Variants in U2SURP observed in about 807,000 individuals in gnomAD.
U2SURP encodes U2 snRNP associated SURP domain containing.
A neutral mutation model predicts 144.9 loss-of-function variants in U2SURP; 9 were observed. That is an observed-to-expected ratio of 0.06 (90% CI 0.04 to 0.11). The LOEUF (loss-of-function observed/expected upper bound fraction) is 0.11. Ranked by LOEUF, U2SURP falls within the 10% of genes least tolerant of loss-of-function variation. The pLI is 1.00. For synonymous variants in U2SURP, 408 were observed against 396.8 expected (o/e 1.03, Z -0.33); for missense variants, 724 against 1,226.7 (o/e 0.59, Z 6.12).
At chr3:143,054,815 T>G (rs1935060868) in intron 26 of U2SURP, 128 bp from the exon 27 acceptor site, 1 of 991,104 alleles carries the variant, frequency 1.0e-6, no homozygotes, top group South Asian at 2.3e-5. Flanking sequence ...TGAGTATTGT[T>G]AAAAGTAACA....
In U2SURP at chr3:143,028,661, C is replaced by T; in HGVS notation, c.1610+15C>T. On this transcript the variant is annotated intron_variant, in intron 16 of 27. Transcript: ENST00000473835. ...CTTAAGGAAGAGTAAGATATTTTTC[C>T]TTTCTATTATATATTCAGAAAAGTA... 2 of 1,579,566 alleles carry T rather than the reference C, an allele frequency of 1.3e-6. No individual in the cohort carries two copies. Among genetic ancestry groups the T allele is most frequent in the East Asian group, 4.5e-5 (2 of 44,316 alleles).
intron 24 of U2SURP, among the ~76,000 whole-genome samples, chr3:143,043,767 A>G (rs868854990): frequency 2.7e-5 from 4 of 150,776 alleles, no homozygotes; most frequent in Admixed American, 6.6e-5. Context: ...TACTGTGAGA[A>G]ATCCATTTTT....
At chr3:143,036,432 A>G (rs1578149141) in intron 20 of U2SURP, among the ~76,000 whole-genome samples, 1 of 152,240 alleles carries the variant, frequency 6.6e-6, no homozygotes, top group East Asian at 1.9e-4. Context: ...AGATAGCTAT[A>G]TAAGTAAAAT....
At chr3:143,007,534 C>T (rs1478041933) in intron 1 of U2SURP, among the ~76,000 whole-genome samples, 18 of 151,552 alleles carry the variant, frequency 1.2e-4, no homozygotes, top group East Asian at 3.9e-4. Context: ...CTCCGCCTCC[C>T]GGGTTCACGT....
At chr3:143,053,841 G>T in intron 26 of U2SURP, 47 bp downstream of exon 26, 4 of 1,435,170 alleles carry the variant, frequency 2.8e-6, no homozygotes, top group Non-Finnish European at 3.7e-6. Flanking sequence ...TTCAAGATTT[G>T]CAGTGGTGTT....
At chr3:143,023,383 G>A in intron 12 of U2SURP, 1 of 214,100 alleles carries the variant, frequency 4.7e-6, no homozygotes, top group Non-Finnish European at 9.2e-6. Context: ...TTTGTATTTG[G>A]TTAAGTGACA....
At chr3:143,023,614 G>C (rs571985049) in intron 12 of U2SURP, among the ~76,000 whole-genome samples, 1 of 152,152 alleles carries the variant, frequency 6.6e-6, no homozygotes, top group African/African-American at 2.4e-5. Flanking sequence ...TGACAGGGCT[G>C]GTTTTAAAGG....
At position 143,058,869 on chromosome 3, in the gene U2SURP, A is replaced by G. The variant is rs918584699; in HGVS notation, c.*2419A>G. 2 of 151,876 alleles carry G rather than the reference A, an allele frequency of 1.3e-5. No homozygotes were observed. The highest frequency in any genetic ancestry group is 1.3e-4 in the Admixed American group (2 of 15,228). 9.4% of individuals were successfully genotyped at this position (151,876 alleles called of 1,614,324 possible). A position where few individuals can be genotyped will look rare whatever the true frequency, so the allele number is the denominator to read the frequency against. The stretch of plus-strand genomic sequence containing the variant: ...AGGAAAGATCATGTTCTATCTGTGG[A>G]CACTTACTGTCCTCTACCACAGCTA... On this transcript the variant is annotated 3_prime_UTR_variant, in exon 28 of 28. Transcript: ENST00000473835.
At chr3:143,011,986 C>A in intron 2 of U2SURP, 1 of 628,900 alleles carries the variant, frequency 1.6e-6, no homozygotes, top group Middle Eastern at 2.5e-4. Context: ...CCTGTTACTT[C>A]AAGGAAAACA....
intron 16 of U2SURP, among the ~76,000 whole-genome samples, chr3:143,030,192 T>C (rs1352603578): frequency 6.6e-6 from 1 of 152,134 alleles, no homozygotes; most frequent in African/African-American, 2.4e-5. Context: ...TGTAAGAAAA[T>C]GTAATTTAGC....
At chr3:143,042,595 AC>A (rs1199722268) in intron 23 of U2SURP, among the ~76,000 whole-genome samples, 2 of 151,580 alleles carry the variant, frequency 1.3e-5, no homozygotes, top group African/African-American at 4.9e-5. Context: ...TTTATCCCTC[AC>A]CCCCCTCCCA....
At position 143,059,402 on chromosome 3, in the gene U2SURP, C is replaced by T. The variant is rs1393477970; in HGVS notation, c.*2952C>T. On this transcript the variant is annotated 3_prime_UTR_variant, in exon 28 of 28. Transcript: ENST00000473835. ...TTGCTTATTTATGACTTAGGTATTT[C>T]CCCCCAAACTTTAATATTCTTGAGC... 1 of 152,142 alleles carries T rather than the reference C, an allele frequency of 6.6e-6. No individual in the cohort carries two copies. 9.4% of individuals were successfully genotyped at this position (152,142 alleles called of 1,614,324 possible). A position where few individuals can be genotyped will look rare whatever the true frequency, so the allele number is the denominator to read the frequency against.
At chr3:143,037,950 G>T (rs1011137246) in intron 21 of U2SURP, among the ~76,000 whole-genome samples, 158 bp from the exon 22 acceptor site, 5 of 152,080 alleles carry the variant, frequency 3.3e-5, no homozygotes, top group Admixed American at 1.3e-4. Context: ...CAGATGCAGA[G>T]AATTGGTTTA....
Position 143,047,755 on chromosome 3 carries a change from A to ACCCC in U2SURP, c.2545-3181_2545-3180insCCCC. 2.8e-5 allele frequency among the ~76,000 whole-genome samples: 2 copies of ACCCC among 71,988 alleles called. 1 individual carries two copies. Among genetic ancestry groups the ACCCC allele is most frequent in the South Asian group, 9.3e-4 (2 of 2,150 alleles). The allele number at this position is 71,988 out of a possible 152,430, so 47.2% of individuals were successfully genotyped here. A position where few individuals can be genotyped will look rare whatever the true frequency, so the allele number is the denominator to read the frequency against. On this transcript the variant is annotated intron_variant, in intron 24 of 27. Transcript: ENST00000473835. Reference sequence around the variant, plus strand: ...GGGCGGCTGGCCGGGCGGGGGGCTGACCCTCCCACCTCCCTCCTGAACGGG... The same window carrying ACCCC: ...GGGCGGCTGGCCGGGCGGGGGGCTGACCCCCCCTCCCACCTCCCTCCTGAACGGG...
Position 143,010,855 on chromosome 3 carries a change from C to T in U2SURP, c.86C>T (p.Ala29Val). ...SDVHSSGSSD[A>V]HMDASGPSDS... is the part of the protein sequence containing the mutation. ...GTTCATTCATCTGGATCTTCAGATGCACATGTGAGTATAGAAGGCAATCTT... is the reference window on the plus strand; with the variant it reads ...GTTCATTCATCTGGATCTTCAGATGTACATGTGAGTATAGAAGGCAATCTT... Residue 29 changes from alanine to valine, a missense_variant, in exon 2 of 28, where the codon GCA becomes GTA. Ala to Val is a moderately conservative substitution (Grantham distance 64). Transcript: ENST00000473835. 6.2e-7 allele frequency: 1 copy of T among 1,606,198 alleles called. No individual in the cohort carries two copies. The highest frequency in any genetic ancestry group is 8.5e-7 in the Non-Finnish European group (1 of 1,176,438).
At position 143,060,676 on chromosome 3, in the gene U2SURP, T is replaced by G. The variant is rs1935332951; in HGVS notation, c.*4226T>G. The G allele has an allele frequency of 6.6e-6, 1 of 152,032 alleles. No individual in the cohort carries two copies. The highest frequency in any genetic ancestry group is 1.5e-5 in the Non-Finnish European group (1 of 67,888). 9.4% of individuals were successfully genotyped at this position (152,032 alleles called of 1,614,324 possible). The stretch of plus-strand genomic sequence containing the variant: ...ATGTTTATCAGTTATGGCTAAAATG[T>G]TACACTTTACATGTTTAAACTATAA... On this transcript the variant is annotated 3_prime_UTR_variant, in exon 28 of 28. Coordinates refer to ENST00000473835, the MANE Select transcript of U2SURP (RefSeq NM_001080415.2).
intron 7 of U2SURP, among the ~76,000 whole-genome samples, 166 bp downstream of exon 7, chr3:143,020,202 T>C (rs754569775): frequency 2.0e-5 from 3 of 152,210 alleles, no homozygotes; most frequent in Non-Finnish European, 2.9e-5. Flanking sequence ...GAAAATAAAT[T>C]AGCATTTAGT....
chr3:143,038,082 G>T (rs777347831), intron 21 of U2SURP, 26 bp from the exon 22 acceptor site: 1 of 1,560,728 alleles, frequency 6.4e-7, no homozygotes, highest in South Asian at 1.2e-5. Flanking sequence ...AGTAGTCAGG[G>T]TTAATGGCTT....
chr3:143,056,290 A>AT (rs745357315), intron 27 of U2SURP, 22 bp from the exon 28 acceptor site: 62 of 1,582,188 alleles, frequency 3.9e-5, no homozygotes, highest in Admixed American at 5.5e-5. Context: ...ATCAATTGGG[A>AT]TTTTTTTGTT....
Sources: allele counts gnomAD v4.1 joint callset (sites outside exome capture counted in the v4.1 genomes callset), GRCh38; gene constraint gnomAD v4.1.1; transcripts MANE v1.5; gene names NCBI Gene and HGNC (gene_info 2026-07-23, HGNC 2026-07-21).